Variants in GULP1 observed in about 807,000 individuals in gnomAD.
GULP1 encodes PTB domain-containing engulfment adapter protein 1.
GULP1 carries 19 observed loss-of-function variants against 40.9 expected under a neutral mutation model. The ratio of observed to expected loss-of-function variants is 0.46; its 90% CI spans 0.32 to 0.68. The LOEUF (loss-of-function observed/expected upper bound fraction) is 0.68. Ranked by LOEUF, GULP1 falls within the 30% of genes least tolerant of loss-of-function variation. The pLI is 0.03. For synonymous variants in GULP1, 119 were observed against 117.6 expected, an observed-to-expected ratio of 1.01 and a Z score of -0.08; for missense variants, 312 against 362.2, an observed-to-expected ratio of 0.86 and a Z score of 1.12.
At chr2:188,352,608 T>TCACACACA (rs773746742) in intron 1 of GULP1, among the ~76,000 whole-genome samples, 1 of 43,442 alleles carries the variant, frequency 2.3e-5, no homozygotes, top group East Asian at 1.2e-3. Flanking sequence ...TCTTTCTCTC[T>TCACACACA]CTCTCTCTCT....
At chr2:188,435,768 A>G (rs1575229283) in intron 2 of GULP1, among the ~76,000 whole-genome samples, 1 of 152,034 alleles carries the variant, frequency 6.6e-6, no homozygotes, top group Non-Finnish European at 1.5e-5. Context: ...TTATGGCAGG[A>G]TGCTTCTTCA....
intron 7 of GULP1, among the ~76,000 whole-genome samples, chr2:188,562,287 T>A (rs2153414265): frequency 6.6e-6 from 1 of 152,230 alleles, no homozygotes; most frequent in South Asian, 2.1e-4. Context: ...TTGACCAGGG[T>A]TGCATGATTC....
chr2:188,359,812 T>A (rs73036493), intron 1 of GULP1, among the ~76,000 whole-genome samples: 2,082 of 152,244 alleles, frequency 0.014, 40 homozygotes, highest in African/African-American at 0.047. Context: ...TTAGTAATAT[T>A]GTAGGACTTA....
At chr2:188,520,253 A>G (rs1212934340) in intron 4 of GULP1, among the ~76,000 whole-genome samples, 1 of 152,084 alleles carries the variant, frequency 6.6e-6, no homozygotes, top group Non-Finnish European at 1.5e-5. Flanking sequence ...AAAAGGAACT[A>G]TTGGCCGGGC....
At chr2:188,372,902 T>A (rs1355550691) in intron 1 of GULP1, among the ~76,000 whole-genome samples, 2 of 151,520 alleles carry the variant, frequency 1.3e-5, no homozygotes, top group South Asian at 2.1e-4. Flanking sequence ...GTCAGAGATA[T>A]TTTTAAAGTT....
At chr2:188,303,468 G>A (rs1005314144) in intron 1 of GULP1, among the ~76,000 whole-genome samples, 1 of 152,164 alleles carries the variant, frequency 6.6e-6, no homozygotes, top group African/African-American at 2.4e-5. Flanking sequence ...GAAATAAAAA[G>A]CCAGAGGTTG....
intron 1 of GULP1, among the ~76,000 whole-genome samples, chr2:188,313,668 G>T (rs968644701): frequency 2.6e-5 from 4 of 152,130 alleles, no homozygotes; most frequent in Admixed American, 1.3e-4. Flanking sequence ...ATGGTAGTTT[G>T]ATGGGAATGT....
chr2:188,300,388 A>G (rs1020535029), intron 1 of GULP1, among the ~76,000 whole-genome samples: 7 of 152,166 alleles, frequency 4.6e-5, no homozygotes, highest in African/African-American at 1.7e-4. Flanking sequence ...TTCTGAACAT[A>G]TGGAAACTTG....
chr2:188,431,225 G>A (rs375939109), intron 2 of GULP1, among the ~76,000 whole-genome samples: 3 of 152,062 alleles, frequency 2.0e-5, no homozygotes, highest in Non-Finnish European at 4.4e-5. Flanking sequence ...GAGGAAAACC[G>A]TGTCTTTTTA....
rs576041632 is a variant in GULP1 at position 188,569,659 on chromosome 2, T to C, written c.516+304T>C. ...CAGATGCTGGGTAAGTGGTTTTCCA[T>C]GCAGATCAGATTCCTTGGTAATTAA... On this transcript the variant is annotated intron_variant, in intron 8 of 11. Transcript: ENST00000409830. 3 of 383,918 alleles carry C rather than the reference T, an allele frequency of 7.8e-6. No homozygotes were observed. In the East Asian group the frequency reaches 1.8e-4, roughly 24 times the overall value. 23.8% of individuals were successfully genotyped at this position (383,918 alleles called of 1,614,324 possible).
intron 2 of GULP1, among the ~76,000 whole-genome samples, chr2:188,444,863 G>T: frequency 6.6e-6 from 1 of 152,124 alleles, no homozygotes; most frequent in Admixed American, 6.6e-5. Context: ...CCTAAACACT[G>T]GCAGTGACAT....
chr2:188,293,893 C>CTTGGGGTTTA (rs2034353511), intron 1 of GULP1: 1 of 152,130 alleles, frequency 6.6e-6, no homozygotes, highest in Non-Finnish European at 1.5e-5. Flanking sequence ...CTGTCGGTTG[C>CTTGGGGTTTA]ACTTGGGGTT....
chr2:188,338,944 A>T (rs1428672530), intron 1 of GULP1, among the ~76,000 whole-genome samples: 1 of 152,128 alleles, frequency 6.6e-6, no homozygotes, highest in African/African-American at 2.4e-5. Flanking sequence ...AGTTATTCTT[A>T]TAATTGTAGT....
At chr2:188,569,999 A>G (rs769833915) in intron 8 of GULP1, 29 bp from the exon 9 acceptor site, 3 of 861,500 alleles carry the variant, frequency 3.5e-6, no homozygotes, top group African/African-American at 1.7e-5. Context: ...AAAAAACAGA[A>G]AGTTATTCAA....
intron 2 of GULP1, among the ~76,000 whole-genome samples, chr2:188,441,281 A>ACACCCTT (rs1245756811): frequency 5.9e-5 from 9 of 152,304 alleles, no homozygotes; most frequent in Admixed American, 3.3e-4. Flanking sequence ...GAAACTATAT[A>ACACCCTT]TCTGGCTTTC....
intron 1 of GULP1, among the ~76,000 whole-genome samples, chr2:188,307,245 C>T (rs1283358607): frequency 6.6e-6 from 1 of 151,962 alleles, no homozygotes; most frequent in African/African-American, 2.4e-5. Context: ...TAAATTTATA[C>T]ACAATGATAA....
At chr2:188,304,616 A>G (rs1381297730) in intron 1 of GULP1, among the ~76,000 whole-genome samples, 1 of 152,180 alleles carries the variant, frequency 6.6e-6, no homozygotes, top group African/African-American at 2.4e-5. Context: ...CTGTCTTTAC[A>G]AGTGAGAATG....
intron 11 of GULP1, chr2:188,592,272 CTCTT>C (rs1468871155): frequency 6.6e-6 from 1 of 151,962 alleles, no homozygotes; most frequent in Non-Finnish European, 1.5e-5. Context: ...ACATGTAACT[CTCTT>C]TCTATCTGTC....
At chr2:188,339,062 T>C (rs1427911588) in intron 1 of GULP1, among the ~76,000 whole-genome samples, 1 of 152,224 alleles carries the variant, frequency 6.6e-6, no homozygotes. Context: ...GGTGATTGAC[T>C]CCTAGAAATA....
Sources: gnomAD v4.1 joint callset for allele counts (sites outside exome capture counted in the v4.1 genomes callset) on GRCh38, gnomAD v4.1.1 for gene constraint, MANE v1.5 for transcripts, NCBI Gene and HGNC (gene_info 2026-07-23, HGNC 2026-07-21) for gene names.